Variants in SFMBT2 observed in about 807,000 individuals in gnomAD.
SFMBT2 encodes the protein Scm like with four mbt domains 2, also known as scm-like with four MBT domains protein 2.
SFMBT2 carries 38 observed loss-of-function variants against 110.1 expected under a neutral mutation model. The ratio of observed to expected loss-of-function variants is 0.35; its 90% CI spans 0.27 to 0.45. The LOEUF (loss-of-function observed/expected upper bound fraction) is 0.45, where lower values mean the gene tolerates loss of function less well. Ranked by LOEUF, SFMBT2 falls within the 20% of genes least tolerant of loss-of-function variation. The probability of loss-of-function intolerance (pLI) is 1.00; values close to 1 mark genes in which losing one functional copy is unlikely to be tolerated. For synonymous variants in SFMBT2, 425 were observed against 425.4 expected, an observed-to-expected ratio of 1.00 and a Z score of 0.01; for missense variants, 1,011 against 1,094.9, an observed-to-expected ratio of 0.92 and a Z score of 1.08.
At chr10:7,269,768 G>A (rs982712407) in intron 7 of SFMBT2, among the ~76,000 whole-genome samples, 3 of 148,044 alleles carry the variant, frequency 2.0e-5, no homozygotes, top group Non-Finnish European at 3.0e-5. Context: ...GTCTCTTTTT[G>A]GATCCTGCAC....
intron 1 of SFMBT2, among the ~76,000 whole-genome samples, chr10:7,404,222 G>A (rs1184520465): frequency 6.6e-6 from 1 of 152,180 alleles, no homozygotes; most frequent in Non-Finnish European, 1.5e-5. Flanking sequence ...CAATCCAAAT[G>A]TCCCATTCCT....
At chr10:7,230,697 C>T (rs1246258204) in intron 9 of SFMBT2, among the ~76,000 whole-genome samples, 2 of 152,200 alleles carry the variant, frequency 1.3e-5, no homozygotes, top group African/African-American at 2.4e-5. Flanking sequence ...CTTTGGGAGG[C>T]TGAGGCAGAG....
At chr10:7,216,801 A>G (rs892862335) in intron 11 of SFMBT2, among the ~76,000 whole-genome samples, 26 of 152,194 alleles carry the variant, frequency 1.7e-4, no homozygotes, top group African/African-American at 5.8e-4. Context: ...TGCTATTCAA[A>G]TCTGTCTCCT....
At position 7,171,299 on chromosome 10, in the gene SFMBT2, C is replaced by T. The variant is rs533537418; in HGVS notation, c.2416-243G>A. 18 of 862,070 alleles carry T rather than the reference C, an allele frequency of 2.1e-5. No homozygotes were observed. Among genetic ancestry groups the T allele is most frequent in the East Asian group, 1.2e-4 (1 of 8,230 alleles). 53.4% of individuals were successfully genotyped at this position (862,070 alleles called of 1,614,324 possible). A position where few individuals can be genotyped will look rare whatever the true frequency, so the allele number is the denominator to read the frequency against. On this transcript the variant is annotated intron_variant, in intron 19 of 20. Coordinates refer to ENST00000397167, the MANE Select transcript of SFMBT2 (RefSeq NM_001387889.1). The surrounding 1 kb of genome is among the most constrained non-coding windows in gnomAD (Gnocchi z 4.9). The stretch of plus-strand genomic sequence containing the variant: ...AAGAAGGCAGGCACAGTGACAGTCG[C>T]TCTTGCATCCCTAGTTCAGGAAACC...
chr10:7,179,391 GAAAAAAAA>G (rs57497418), intron 16 of SFMBT2, among the ~76,000 whole-genome samples: 34 of 70,328 alleles, frequency 4.8e-4, no homozygotes, highest in Admixed American at 1.5e-3. Context: ...TTGCATTTTC[GAAAAAAAA>G]AAAAAAAAAA....
intron 4 of SFMBT2, among the ~76,000 whole-genome samples, chr10:7,319,770 CACAG>C (rs1265785289): frequency 5.0e-5 from 6 of 120,912 alleles, no homozygotes; most frequent in African/African-American, 1.6e-4. Context: ...CAGAGAGAGA[CACAG>C]AGAGAGAGAG....
chr10:7,274,469 TAGTG>T (rs1181529909), intron 7 of SFMBT2, among the ~76,000 whole-genome samples: 1 of 152,210 alleles, frequency 6.6e-6, no homozygotes, highest in Non-Finnish European at 1.5e-5. Context: ...ATTCTCCTGA[TAGTG>T]AGTAAGCTCT....
chr10:7,300,598 C>T (rs1343747378), intron 4 of SFMBT2, among the ~76,000 whole-genome samples: 1 of 152,114 alleles, frequency 6.6e-6, no homozygotes, highest in Non-Finnish European at 1.5e-5. Context: ...TGGTGTATGT[C>T]ACACATCACA....
At chr10:7,201,230 A>T (rs1332194949) in intron 13 of SFMBT2, among the ~76,000 whole-genome samples, 1 of 152,260 alleles carries the variant, frequency 6.6e-6, no homozygotes, top group Non-Finnish European at 1.5e-5. Context: ...CCAGGCCCAC[A>T]GCATTGACGC....
At chr10:7,278,849 G>A (rs1841859683) in intron 6 of SFMBT2, among the ~76,000 whole-genome samples, 2 of 152,098 alleles carry the variant, frequency 1.3e-5, no homozygotes, top group Non-Finnish European at 2.9e-5. Context: ...AGGCTGAGGT[G>A]GGTGGATCAC....
At position 7,163,990 on chromosome 10, in the gene SFMBT2, G is replaced by T; in HGVS notation, c.2545-80C>A. Reference sequence around the variant, plus strand: ...GATGCGTCACAGCAGGCTCCAGTCCGGGGCCAAACATGACAACAGGATGCT... The same window carrying T: ...GATGCGTCACAGCAGGCTCCAGTCCTGGGCCAAACATGACAACAGGATGCT... On this transcript the variant is annotated intron_variant, in intron 20 of 20. Transcript: ENST00000397167. This position sits in a 1 kb window ranked among gnomAD's most constrained non-coding sequence, Gnocchi z 4.8. The T allele has an allele frequency of 6.7e-7, 1 of 1,498,902 alleles. No individual in the cohort carries two copies. The allele number at this position is 1,498,902 out of a possible 1,614,324, so 92.9% of individuals were successfully genotyped here.
intron 9 of SFMBT2, among the ~76,000 whole-genome samples, chr10:7,239,195 C>G (rs1375127188): frequency 6.6e-6 from 1 of 152,200 alleles, no homozygotes; most frequent in Non-Finnish European, 1.5e-5. Flanking sequence ...TTTTTGAAGT[C>G]AAGCAACACA....
At chr10:7,393,931 C>T (rs1411937573) in intron 1 of SFMBT2, among the ~76,000 whole-genome samples, 2 of 152,182 alleles carry the variant, frequency 1.3e-5, no homozygotes, top group Non-Finnish European at 2.9e-5. Flanking sequence ...TTGTTGATGC[C>T]ACTCTAACTT....
intron 4 of SFMBT2, among the ~76,000 whole-genome samples, chr10:7,342,235 G>A (rs1334793714): frequency 5.3e-5 from 8 of 152,072 alleles, no homozygotes; most frequent in African/African-American, 1.9e-4. Context: ...TATTACGTGA[G>A]TTTAGAGCAC....
intron 4 of SFMBT2, among the ~76,000 whole-genome samples, chr10:7,303,715 C>T (rs571488560): frequency 2.6e-5 from 4 of 152,310 alleles, no homozygotes; most frequent in East Asian, 1.9e-4. Flanking sequence ...TCAATAACCA[C>T]TCCTCATCAA....
At chr10:7,242,208 G>C (rs534089056) in intron 9 of SFMBT2, among the ~76,000 whole-genome samples, 1 of 152,092 alleles carries the variant, frequency 6.6e-6, no homozygotes, top group Non-Finnish European at 1.5e-5. Flanking sequence ...AGAATCCTTC[G>C]ACTCATTTTA....
intron 4 of SFMBT2, among the ~76,000 whole-genome samples, chr10:7,361,884 G>T (rs1448433539): frequency 6.6e-6 from 1 of 152,110 alleles, no homozygotes; most frequent in East Asian, 1.9e-4. Context: ...GGCTCGGCAG[G>T]CACCGACTAA....
chr10:7,249,151 T>C (rs1840718262), intron 7 of SFMBT2: 2 of 730,008 alleles, frequency 2.7e-6, no homozygotes, highest in Non-Finnish European at 3.4e-6. Context: ...CGAGTAAGGG[T>C]AGGGGTACTC....
At chr10:7,250,075 G>C (rs776560093) in intron 7 of SFMBT2, among the ~76,000 whole-genome samples, 1 of 152,308 alleles carries the variant, frequency 6.6e-6, no homozygotes. Flanking sequence ...TTAGGTGCAG[G>C]TGATGATGTG....
Sources: allele counts gnomAD v4.1 joint callset (sites outside exome capture counted in the v4.1 genomes callset), GRCh38; gene constraint gnomAD v4.1.1; non-coding constraint Gnocchi (gnomAD v3.1); transcripts MANE v1.5; gene names NCBI Gene and HGNC (gene_info 2026-07-23, HGNC 2026-07-21).